PCSK9: variants seen among roughly 807,000 people sequenced by gnomAD.
The protein encoded by PCSK9 is proprotein convertase subtilisin/kexin type 9.
Under a neutral mutation model 62.1 loss-of-function variants are expected in PCSK9, and 57 were observed. The observed-to-expected ratio is 0.92, with a 90% CI of 0.74 to 1.14. The LOEUF (loss-of-function observed/expected upper bound fraction) is 1.14. PCSK9 is among the 50% of genes most tolerant of loss of function. The pLI, the probability that PCSK9 is intolerant of heterozygous loss-of-function variation, is 0.00. For synonymous variants in PCSK9, 387 were observed against 409.4 expected (o/e 0.95, Z 0.66); for missense variants, 870 against 959.8 (o/e 0.91, Z 1.24).
chr1:55,061,673 G>A (rs1423196472), intron 11 of PCSK9, 117 bp downstream of exon 11: 5 of 1,322,538 alleles, frequency 3.8e-6, no homozygotes, highest in Non-Finnish European at 5.3e-6. Flanking sequence ...GGTTTGCCAG[G>A]TAGATGCTGT....
Position 55,040,342 on chromosome 1 carries a change from G to A in PCSK9, c.207+298G>A, listed in dbSNP as rs1644590145. 6.6e-6 allele frequency among the ~76,000 whole-genome samples: 1 copy of A among 152,198 alleles called. No homozygotes were observed. Among genetic ancestry groups the A allele is most frequent in the Non-Finnish European group, 1.5e-5 (1 of 68,036 alleles). On this transcript the variant is annotated intron_variant, in intron 1 of 11. Coordinates refer to ENST00000302118, the MANE Select transcript of PCSK9 (RefSeq NM_174936.4). This position sits in a 1 kb window ranked among gnomAD's most constrained non-coding sequence, Gnocchi z 4.1. ...GGAGACCCGGAGGCCGAGGAAGGGCGAGCAGAGCACTGCCAGGATATCCTG... is the reference window on the plus strand; with the variant it reads ...GGAGACCCGGAGGCCGAGGAAGGGCAAGCAGAGCACTGCCAGGATATCCTG...
Position 55,063,579 on chromosome 1 carries a change from C to T in PCSK9, c.2074C>T (p.Gln692Ter). ...CCTGGCGCAGGCCTCCCAGGAGCTC[C>T]AGTGACAGCCCCATCCCAGGATGGG... Reference protein sequence around the residue: ...RHLAQASQELQ With the variant: ...RHLAQASQEL Residue 692 changes from glutamine (Q) to a stop codon, truncating the protein, a stop_gained, in exon 12 of 12, where the codon CAG becomes TAG. Transcript: ENST00000302118. LOFTEE classifies it high-confidence loss of function. The T allele has an allele frequency of 6.2e-7, 1 of 1,611,530 alleles. No homozygotes were observed. The highest frequency in any genetic ancestry group is 8.5e-7 in the Non-Finnish European group (1 of 1,179,656).
chr1:55,048,188 C>T (rs573797853), intron 3 of PCSK9, among the ~76,000 whole-genome samples: 4 of 152,280 alleles, frequency 2.6e-5, no homozygotes, highest in African/African-American at 7.2e-5. Flanking sequence ...GTCCCAACAG[C>T]GGCAGCACAC....
At chr1:55,048,759 T>C (rs1644653212) in intron 3 of PCSK9, among the ~76,000 whole-genome samples, 2 of 152,350 alleles carry the variant, frequency 1.3e-5, no homozygotes, top group South Asian at 2.1e-4. Flanking sequence ...CCCTCTCTGA[T>C]CTTCAGGTTC....
chr1:55,048,487 C>A (rs1415187173), intron 3 of PCSK9, among the ~76,000 whole-genome samples: 1 of 152,234 alleles, frequency 6.6e-6, no homozygotes, highest in Non-Finnish European at 1.5e-5. Context: ...CATGGATTGC[C>A]CCCCTTCCCG....
chr1:55,042,108 G>T (rs915251509), intron 1 of PCSK9, among the ~76,000 whole-genome samples: 2 of 151,974 alleles, frequency 1.3e-5, no homozygotes, highest in African/African-American at 4.8e-5. Context: ...CACCACGCCC[G>T]GCTAATTTTT....
chr1:55,046,609 C>A lies in PCSK9; in HGVS notation c.486C>A (p.Thr162=). 1 of 1,614,126 alleles carries A rather than the reference C, an allele frequency of 6.2e-7. No individual in the cohort carries two copies. Among genetic ancestry groups the A allele is most frequent in the Non-Finnish European group, 8.5e-7 (1 of 1,180,016 alleles). The change falls in exon 3 of 12, where the codon ACC becomes ACA. Residue 162 remains threonine (T), a synonymous_variant. Coordinates refer to ENST00000302118, the MANE Select transcript of PCSK9 (RefSeq NM_174936.4). ...TCCCGTGGAACCTGGAGCGGATTAC[C>A]CCTCCACGGTACCGGGCGGATGAAT... ...QSIPWNLERI[T]PPRYRADEYQ... is the part of the protein sequence containing the mutation.
At position 55,039,754 on chromosome 1, in the gene PCSK9, C is replaced by T. The variant is rs1644583113; in HGVS notation, c.-84C>T. ...TCAGCTCCTGCACAGTCCTCCCCAC[C>T]GCAAGGCTCAAGGCGCCGCCGGCGT... On this transcript the variant is annotated 5_prime_UTR_variant, in exon 1 of 12. Transcript: ENST00000302118. The T allele has an allele frequency of 6.7e-7, 1 of 1,490,526 alleles. No homozygotes were observed. Among genetic ancestry groups the T allele is most frequent in the South Asian group, 1.2e-5 (1 of 82,852 alleles). 92.3% of individuals were successfully genotyped at this position (1,490,526 alleles called of 1,614,324 possible). A position where few individuals can be genotyped will look rare whatever the true frequency, so the allele number is the denominator to read the frequency against.
intron 1 of PCSK9, among the ~76,000 whole-genome samples, chr1:55,041,906 G>A (rs935305071): frequency 1.1e-4 from 17 of 152,130 alleles, no homozygotes; most frequent in Non-Finnish European, 2.2e-4. Context: ...ACAGAGCTGG[G>A]AAAACCAGAG....
At chr1:55,052,814 G>C in intron 5 of PCSK9, 23 bp downstream of exon 5, 1 of 1,612,854 alleles carries the variant, frequency 6.2e-7, no homozygotes, top group South Asian at 1.1e-5. Context: ...CCCAGACGCT[G>C]GTCTCTCTCC....
In PCSK9 at chr1:55,048,322, C is replaced by T. The variant is rs139543111; in HGVS notation, c.523+1676C>T. 9.7e-4 allele frequency among the ~76,000 whole-genome samples: 148 copies of T among 152,324 alleles called. 3 individuals are homozygous for T. The East Asian group carries it at 0.026, about 26-fold the overall frequency. On this transcript the variant is annotated intron_variant, in intron 3 of 11. Transcript: ENST00000302118. ...CTCCAGGATGATCTCATGTGGGGAA[C>T]CTTAACCACATCTGCAAGGACCCTT...
In PCSK9 at chr1:55,056,100, C is replaced by T. The variant is rs1644711903; in HGVS notation, c.907C>T (p.Arg303Cys). 1 of 1,588,070 alleles carries T rather than the reference C, an allele frequency of 6.3e-7. No homozygotes were observed. The highest frequency in any genetic ancestry group is 8.6e-7 in the Non-Finnish European group (1 of 1,162,804). The change falls in exon 6 of 12, where the codon CGC becomes TGC. Residue 303 changes from arginine (R) to cysteine (C), a missense_variant. Coordinates refer to ENST00000302118, the MANE Select transcript of PCSK9 (RefSeq NM_174936.4). ...CCGCGTCCTCAACGCCGCCTGCCAG[C>T]GCCTGGCGAGGGCTGGGGTCGTGCT... The part of the protein sequence containing the change: ...YSRVLNAACQ[R>C]LARAGVVLVT...
rs1018994107 is a variant in PCSK9, at chr1:55,063,999, G to A, written c.*415G>A. The A allele has an allele frequency of 9.2e-5, 19 of 206,978 alleles. No individual in the cohort carries two copies. The East Asian group carries it at 1.1e-3, about 12-fold the overall frequency. 12.8% of individuals were successfully genotyped at this position (206,978 alleles called of 1,614,324 possible). A position where few individuals can be genotyped will look rare whatever the true frequency, so the allele number is the denominator to read the frequency against. ...TCTTCCCATGGATAGGGGAGGGGGC[G>A]GTAGGGGCTGCAGGGACAAACATCG... On this transcript the variant is annotated 3_prime_UTR_variant, in exon 12 of 12. Coordinates refer to ENST00000302118, the MANE Select transcript of PCSK9 (RefSeq NM_174936.4).
At position 55,040,835 on chromosome 1, in the gene PCSK9, G is replaced by A. The variant is rs1046307748; in HGVS notation, c.207+791G>A. Among the ~76,000 whole-genome samples the A allele has an allele frequency of 3.9e-5, 6 of 152,206 alleles. No homozygotes were observed. Among genetic ancestry groups the A allele is most frequent in the African/African-American group, 1.4e-4 (6 of 41,446 alleles). On this transcript the variant is annotated intron_variant, in intron 1 of 11. Transcript: ENST00000302118. The surrounding 1 kb of genome is among the most constrained non-coding windows in gnomAD (Gnocchi z 4.1). The stretch of plus-strand genomic sequence containing the variant: ...ACCTGGCTGTCTGCCGACCGTGTGC[G>A]GGGCGAGTTTGCTCAACAACTCTGC...
Position 55,039,592 on chromosome 1 carries a change from AG to A in PCSK9, c.-245del, listed in dbSNP as rs1644581601. 1 of 588,536 alleles carries A rather than the reference AG, an allele frequency of 1.7e-6. No homozygotes were observed. The highest frequency in any genetic ancestry group is 1.9e-5 in the African/African-American group (1 of 52,980). The allele number at this position is 588,536 out of a possible 1,614,324, so 36.5% of individuals were successfully genotyped here. Reference sequence around the variant, plus strand: ...TGGTTGCAGGCGGGCGCCGCCGTTCAGTTCAGGGTCTGAGCCTGGAGGAGTG... The same window carrying A: ...TGGTTGCAGGCGGGCGCCGCCGTTCATTCAGGGTCTGAGCCTGGAGGAGTG... On this transcript the variant is annotated 5_prime_UTR_variant, in exon 1 of 12. It introduces an in-frame stop codon into an upstream open reading frame of the 5' UTR. Coordinates refer to ENST00000302118, the MANE Select transcript of PCSK9 (RefSeq NM_174936.4).
At chr1:55,058,462 C>T (rs1461675796) in intron 8 of PCSK9, 37 bp from the exon 9 acceptor site, 3 of 1,612,210 alleles carry the variant, frequency 1.9e-6, no homozygotes, top group Admixed American at 1.7e-5. Context: ...TCCCCTCACT[C>T]CCAGCACCCC....
At chr1:55,048,151 G>A (rs1644647434) in intron 3 of PCSK9, among the ~76,000 whole-genome samples, 1 of 152,182 alleles carries the variant, frequency 6.6e-6, no homozygotes, top group Admixed American at 6.5e-5. Context: ...GGGGGCTCCA[G>A]GGAGAAGCTT....
At chr1:55,046,776 C>CT (rs1245615127) in intron 3 of PCSK9, 130 bp downstream of exon 3, 13 of 1,056,604 alleles carry the variant, frequency 1.2e-5, no homozygotes, top group East Asian at 2.6e-5. Context: ...CCACTGACCC[C>CT]TTTTTTTCTG....
chr1:55,048,740 C>T (rs986483111), intron 3 of PCSK9, among the ~76,000 whole-genome samples: 11 of 152,216 alleles, frequency 7.2e-5, no homozygotes, highest in South Asian at 2.1e-4. Context: ...ACCTTGCATA[C>T]GTCACTCACC....
Sources: gnomAD v4.1 joint callset for allele counts (sites outside exome capture counted in the v4.1 genomes callset) on GRCh38, gnomAD v4.1.1 for gene constraint, Gnocchi (gnomAD v3.1) non-coding constraint, MANE v1.5 for transcripts, NCBI Gene and HGNC (gene_info 2026-07-23, HGNC 2026-07-21) for gene names.